Variants in LHFPL3 observed in about 807,000 individuals in gnomAD.
LHFPL3 encodes the protein LHFPL tetraspan subfamily member 3 protein.
A neutral mutation model predicts 19.3 loss-of-function variants in LHFPL3; 5 were observed. The observed-to-expected ratio is 0.26, with a 90% CI of 0.14 to 0.54. The LOEUF (loss-of-function observed/expected upper bound fraction) is 0.54. Ranked by LOEUF, LHFPL3 falls within the 20% of genes least tolerant of loss-of-function variation. The pLI, the probability that LHFPL3 is intolerant of heterozygous loss-of-function variation, is 0.94. For synonymous variants in LHFPL3, 133 were observed against 126.2 expected (o/e 1.05, Z -0.36); for missense variants, 249 against 307.4 (o/e 0.81, Z 1.42).
chr7:104,884,242 T>A (rs1321003785), intron 2 of LHFPL3, among the ~76,000 whole-genome samples: 1 of 152,140 alleles, frequency 6.6e-6, no homozygotes, highest in African/African-American at 2.4e-5. Context: ...TCCATTCCCT[T>A]CTATTCTGGG....
chr7:104,375,218 A>C (rs892606039), intron 1 of LHFPL3, among the ~76,000 whole-genome samples: 5 of 152,190 alleles, frequency 3.3e-5, no homozygotes, highest in Non-Finnish European at 7.3e-5. Context: ...GTGCACCTGT[A>C]GTCCCAGCTA....
intron 1 of LHFPL3, among the ~76,000 whole-genome samples, chr7:104,457,548 T>C (rs1305442125): frequency 6.6e-6 from 1 of 151,300 alleles, no homozygotes; most frequent in African/African-American, 2.4e-5. Context: ...AAGTCTTTGC[T>C]ATTGTGAATA....
intron 2 of LHFPL3, among the ~76,000 whole-genome samples, chr7:104,841,100 T>C (rs145533023): frequency 6.6e-6 from 1 of 152,160 alleles, no homozygotes. Flanking sequence ...CACCCACACA[T>C]GCATGGTGCC....
At chr7:104,336,986 A>C (rs1789822713) in intron 1 of LHFPL3, among the ~76,000 whole-genome samples, 1 of 152,148 alleles carries the variant, frequency 6.6e-6, no homozygotes, top group South Asian at 2.1e-4. Flanking sequence ...AAGGGGATTC[A>C]ACTTTAGCTT....
intron 1 of LHFPL3, among the ~76,000 whole-genome samples, chr7:104,523,216 C>G (rs969377044): frequency 2.0e-5 from 3 of 152,006 alleles, no homozygotes; most frequent in African/African-American, 7.3e-5. Flanking sequence ...ATCCTAGAAC[C>G]CTTGCCATGT....
chr7:104,568,504 A>T (rs1790165136), intron 1 of LHFPL3, among the ~76,000 whole-genome samples: 1 of 152,186 alleles, frequency 6.6e-6, no homozygotes, highest in African/African-American at 2.4e-5. Context: ...AGGCCACATA[A>T]TGAATTTGTT....
At chr7:104,614,064 A>T (rs1351163342) in intron 1 of LHFPL3, among the ~76,000 whole-genome samples, 1 of 152,174 alleles carries the variant, frequency 6.6e-6, no homozygotes, top group Non-Finnish European at 1.5e-5. Context: ...GGGTTATAAA[A>T]CTGGCAAGAC....
At chr7:104,622,976 G>C (rs1447092846) in intron 1 of LHFPL3, 1 of 331,644 alleles carries the variant, frequency 3.0e-6, no homozygotes, top group Non-Finnish European at 6.2e-6. Context: ...TTTTATTATA[G>C]CTATCCTGGA....
intron 1 of LHFPL3, among the ~76,000 whole-genome samples, chr7:104,500,543 C>T (rs739381): frequency 0.36 from 54,880 of 151,470 alleles, 10,218 homozygotes; most frequent in South Asian, 0.45. Context: ...GTGGTTTTTG[C>T]GCTAATATCT....
At chr7:104,825,484 T>G (rs1790800080) in intron 2 of LHFPL3, among the ~76,000 whole-genome samples, 1 of 151,856 alleles carries the variant, frequency 6.6e-6, no homozygotes, top group Admixed American at 6.6e-5. Flanking sequence ...CATTTCCTGA[T>G]CTATAAAATT....
intron 1 of LHFPL3, among the ~76,000 whole-genome samples, chr7:104,470,472 A>G (rs1209725418): frequency 6.6e-6 from 1 of 152,230 alleles, no homozygotes; most frequent in African/African-American, 2.4e-5. Flanking sequence ...TTTGGCTAAG[A>G]TAAAGCAAGA....
intron 1 of LHFPL3, among the ~76,000 whole-genome samples, chr7:104,329,830 T>C (rs541596313): frequency 6.6e-6 from 1 of 152,340 alleles, no homozygotes; most frequent in East Asian, 1.9e-4. Context: ...AAGAAGAATG[T>C]AGCTTAGAAC....
intron 1 of LHFPL3, among the ~76,000 whole-genome samples, chr7:104,704,878 C>T (rs946400105): frequency 1.4e-4 from 22 of 152,164 alleles, no homozygotes; most frequent in African/African-American, 5.3e-4. Flanking sequence ...TCAAGCATTT[C>T]TCCCACCTTG....
chr7:104,358,691 G>A (rs555352820), intron 1 of LHFPL3, among the ~76,000 whole-genome samples: 5 of 152,220 alleles, frequency 3.3e-5, no homozygotes, highest in Non-Finnish European at 7.3e-5. Flanking sequence ...TTTAGAGCAT[G>A]CTGATTGGGA....
At chr7:104,661,350 C>A (rs897432383) in intron 1 of LHFPL3, among the ~76,000 whole-genome samples, 10 of 152,170 alleles carry the variant, frequency 6.6e-5, no homozygotes, top group South Asian at 2.1e-4. Context: ...ATAGTTAAAA[C>A]ATCCAGGGCA....
chr7:104,431,868 T>C (rs1792009503), intron 1 of LHFPL3, among the ~76,000 whole-genome samples: 1 of 152,222 alleles, frequency 6.6e-6, no homozygotes, highest in African/African-American at 2.4e-5. Context: ...TTCCCTATCA[T>C]GTCAATCTCC....
intron 1 of LHFPL3, among the ~76,000 whole-genome samples, chr7:104,694,656 A>G (rs184190659): frequency 6.6e-6 from 1 of 152,342 alleles, no homozygotes; most frequent in Admixed American, 6.5e-5. Context: ...AGAAAAGAAA[A>G]TAGTTTGTCA....
At chr7:104,671,075 T>C (rs1792471646) in intron 1 of LHFPL3, among the ~76,000 whole-genome samples, 2 of 152,074 alleles carry the variant, frequency 1.3e-5, no homozygotes, top group Non-Finnish European at 1.5e-5. Flanking sequence ...GATTAGGCCC[T>C]GTTCAGCCAT....
chr7:104,810,262 A>C (rs1015111007), intron 2 of LHFPL3, among the ~76,000 whole-genome samples: 1 of 152,180 alleles, frequency 6.6e-6, no homozygotes, highest in Admixed American at 6.5e-5. Flanking sequence ...TCCAAGGGCA[A>C]TGAGAAGCCA....
Sources: gnomAD v4.1 joint callset for allele counts (sites outside exome capture counted in the v4.1 genomes callset) on GRCh38, gnomAD v4.1.1 for gene constraint, MANE v1.5 for transcripts, NCBI Gene and HGNC (gene_info 2026-07-23, HGNC 2026-07-21) for gene names.